Variants in CILK1 observed in about 807,000 individuals in gnomAD.
CILK1 encodes the protein ciliogenesis associated kinase 1.
Under a neutral mutation model 79.2 loss-of-function variants are expected in CILK1, and 47 were observed. The observed-to-expected ratio is 0.59, with a 90% CI of 0.47 to 0.76. CILK1 has a LOEUF of 0.76. Among genes scored for constraint, CILK1 ranks in the 30% least tolerant of loss-of-function variants. The probability of loss-of-function intolerance (pLI) is 0.00; values close to 1 mark genes in which losing one functional copy is unlikely to be tolerated. For missense variants in CILK1, 660 were observed against 769.5 expected (o/e 0.86, Z 1.68); for synonymous variants, 266 against 275.9 (o/e 0.96, Z 0.36).
At chr6:53,036,072 A>G (rs751967958) in intron 3 of CILK1, among the ~76,000 whole-genome samples, 10 of 152,194 alleles carry the variant, frequency 6.6e-5, no homozygotes, top group Non-Finnish European at 1.3e-4. Flanking sequence ...TTCTTCAACT[A>G]TCTTGCCGAG....
chr6:53,007,572 C>T (rs757810083), intron 12 of CILK1, among the ~76,000 whole-genome samples: 5 of 152,084 alleles, frequency 3.3e-5, no homozygotes, highest in African/African-American at 7.2e-5. Flanking sequence ...TCCCATATCC[C>T]GCTGGAGAGC....
Position 53,003,107 on chromosome 6 carries a change from T to C in CILK1, c.*2042A>G, listed in dbSNP as rs1436771715. The C allele has an allele frequency of 6.6e-6, 1 of 152,662 alleles. No homozygotes were observed. Among genetic ancestry groups the C allele is most frequent in the East Asian group, 1.9e-4 (1 of 5,202 alleles). The allele number at this position is 152,662 out of a possible 1,614,324, so 9.5% of individuals were successfully genotyped here. On this transcript the variant is annotated 3_prime_UTR_variant, in exon 14 of 14. Transcript: ENST00000676107. ...TTTAGATAACGAGTTGAGAATATAA[T>C]ACAGAAATGAATTCAGCTTCAAGTT... is the stretch of plus-strand genomic sequence containing the variant.
chr6:53,033,286 G>A (rs188719871), intron 3 of CILK1, among the ~76,000 whole-genome samples: 3 of 152,288 alleles, frequency 2.0e-5, no homozygotes, highest in Non-Finnish European at 4.4e-5. Flanking sequence ...AAAAAGTCAG[G>A]CAGTGGATGA....
At chr6:53,022,752 C>G (rs757310909) in intron 5 of CILK1, among the ~76,000 whole-genome samples, 17 of 152,270 alleles carry the variant, frequency 1.1e-4, no homozygotes, top group Non-Finnish European at 2.1e-4. Flanking sequence ...AACATGGTAG[C>G]CTTCATTCAT....
Position 53,012,087 on chromosome 6 carries a change from G to A in CILK1, c.1293C>T (p.Ser431=). 1 of 1,614,180 alleles carries A rather than the reference G, an allele frequency of 6.2e-7. No homozygotes were observed. Among genetic ancestry groups the A allele is most frequent in the South Asian group, 1.1e-5 (1 of 91,082 alleles). Residue 431 remains serine (S), a synonymous_variant, in exon 10 of 14, where the codon AGC becomes AGT. Transcript: ENST00000676107. ...LDDLDFSPSL[S]RIDLKNKKRQ... ...TTTTCTTGTTTTTCAGGTCAATCCT[G>A]CTGAGGGATGGACTGAAATCCAAGT...
rs765591042 is a variant in CILK1 at position 53,016,160 on chromosome 6, T to C, written c.754A>G (p.Asn252Asp). Reference sequence around the variant, plus strand: ...AGCTGGACTGCTTCACTGCTAGCATTGGGAATCAAGGTCTTTAAGTTATTG... The same window carrying C: ...AGCTGGACTGCTTCACTGCTAGCATCGGGAATCAAGGTCTTTAAGTTATTG... ...VPNNLKTLIP[N>D]ASSEAVQLLR... Residue 252 changes from asparagine (N) to aspartate (D), a missense_variant, in exon 8 of 14, where the codon AAT becomes GAT. Coordinates refer to ENST00000676107, the MANE Select transcript of CILK1 (RefSeq NM_014920.5). 6.2e-6 allele frequency: 10 copies of C among 1,614,082 alleles called. No homozygotes were observed. In the East Asian group the frequency reaches 2.2e-4, roughly 36 times the overall value.
At position 53,031,157 on chromosome 6, in the gene CILK1, G is replaced by A; in HGVS notation, c.279-13C>T. 6.5e-7 allele frequency: 1 copy of A among 1,539,994 alleles called. No individual in the cohort carries two copies. The highest frequency in any genetic ancestry group is 9.0e-7 in the Non-Finnish European group (1 of 1,113,640). On this transcript the variant is annotated splice_polypyrimidine_tract_variant and intron_variant, in intron 4 of 13. Transcript: ENST00000676107. ...AAACAACTTATTTCTGTATGAGGCA[G>A]AGGAAAACAAAGTTATAAATCAAAG...
At chr6:53,034,979 G>A (rs1053169650) in intron 3 of CILK1, among the ~76,000 whole-genome samples, 3 of 152,160 alleles carry the variant, frequency 2.0e-5, no homozygotes, top group South Asian at 2.1e-4. Context: ...TCTGGGGGAC[G>A]AAGGATGAGA....
intron 2 of CILK1, 88 bp from the exon 3 acceptor site, chr6:53,038,081 T>C (rs989193827): frequency 3.6e-6 from 3 of 838,096 alleles, no homozygotes; most frequent in Non-Finnish European, 6.2e-6. Context: ...ATTCTGATCC[T>C]AATTAACAGT....
At chr6:53,034,840 G>C (rs1017509411) in intron 3 of CILK1, among the ~76,000 whole-genome samples, 1 of 152,224 alleles carries the variant, frequency 6.6e-6, no homozygotes, top group African/African-American at 2.4e-5. Flanking sequence ...TGAGTGGTCA[G>C]TGGGAGCATC....
chr6:53,016,117 T>C lies in CILK1; in HGVS notation c.797A>G (p.Gln266Arg), dbSNP rs759187041. The stretch of plus-strand genomic sequence containing the variant: ...TGTTGGTCGTTTCTTGGGATCCCAC[T>C]GAAGCATGTCTCTCAGGAGCTGGAC... Reference protein sequence around the residue: ...EAVQLLRDMLQWDPKKRPTAS... With the variant: ...EAVQLLRDMLRWDPKKRPTAS... Residue 266 changes from glutamine (Q) to arginine (R), a missense_variant, in exon 8 of 14, where the codon CAG becomes CGG. Physicochemically the swap from Gln to Arg is conservative, Grantham distance 43. Coordinates refer to ENST00000676107, the MANE Select transcript of CILK1 (RefSeq NM_014920.5). 1.9e-6 allele frequency: 3 copies of C among 1,614,158 alleles called. No individual in the cohort carries two copies. Among genetic ancestry groups the C allele is most frequent in the Non-Finnish European group, 2.5e-6 (3 of 1,179,962 alleles).
intron 1 of CILK1, chr6:53,054,483 T>C (rs540966733): frequency 2.5e-4 from 38 of 152,378 alleles, no homozygotes; most frequent in African/African-American, 8.4e-4. Flanking sequence ...TCAGTGCTTC[T>C]ATTTTGTCAT....
chr6:53,016,031 GA>G, intron 8 of CILK1, 51 bp downstream of exon 8: 1 of 1,552,562 alleles, frequency 6.4e-7, no homozygotes, highest in Non-Finnish European at 8.9e-7. Flanking sequence ...GCAATTCATA[GA>G]AATTATTCAG....
chr6:53,008,096 A>C (rs919903504), intron 12 of CILK1, among the ~76,000 whole-genome samples: 1 of 151,854 alleles, frequency 6.6e-6, no homozygotes, highest in Non-Finnish European at 1.5e-5. Context: ...CAAAAATTGC[A>C]ATCAACTTAT....
rs1032938255 is a variant in CILK1, at chr6:53,004,399, G to T, written c.*750C>A. 3.3e-5 allele frequency: 5 copies of T among 152,124 alleles called. No homozygotes were observed. The highest frequency in any genetic ancestry group is 5.9e-5 in the Non-Finnish European group (4 of 68,030). The allele number at this position is 152,124 out of a possible 1,614,324, so 9.4% of individuals were successfully genotyped here. On this transcript the variant is annotated 3_prime_UTR_variant, in exon 14 of 14. Coordinates refer to ENST00000676107, the MANE Select transcript of CILK1 (RefSeq NM_014920.5). ...TTGATTTCAAAAATGGAATAAATTA[G>T]AATATAATGGCATAGTATAATTAAG...
rs1764072881 is a variant in CILK1, at chr6:53,003,925, C to T, written c.*1224G>A. ...ATGTACCATATAGAGATGGATGAGA[C>T]TGGACCTTTTGTCTTTTTCTGTCTC... On this transcript the variant is annotated 3_prime_UTR_variant, in exon 14 of 14. Coordinates refer to ENST00000676107, the MANE Select transcript of CILK1 (RefSeq NM_014920.5). 1 of 152,608 alleles carries T rather than the reference C, an allele frequency of 6.6e-6. No homozygotes were observed. The highest frequency in any genetic ancestry group is 6.5e-5 in the Admixed American group (1 of 15,278). 9.5% of individuals were successfully genotyped at this position (152,608 alleles called of 1,614,324 possible).
chr6:53,006,812 T>C (rs939520310), intron 12 of CILK1, among the ~76,000 whole-genome samples: 2 of 152,254 alleles, frequency 1.3e-5, no homozygotes, highest in Admixed American at 1.3e-4. Flanking sequence ...TGTGAGTACA[T>C]ATAAATTCTA....
rs567979541 is a variant in CILK1, at chr6:53,048,686, C to T, written c.-172-7278G>A. Among the ~76,000 whole-genome samples the T allele has an allele frequency of 1.2e-4, 19 of 152,178 alleles. No individual in the cohort carries two copies. The East Asian group carries it at 1.4e-3, about 11-fold the overall frequency. On this transcript the variant is annotated intron_variant, in intron 1 of 13. Coordinates refer to ENST00000676107, the MANE Select transcript of CILK1 (RefSeq NM_014920.5). ...AGAAAAAAGAAGGGACCATGGTAGGCGCCTTCGCTGCTCTACTCCATAGCA... is the reference window on the plus strand; with the variant it reads ...AGAAAAAAGAAGGGACCATGGTAGGTGCCTTCGCTGCTCTACTCCATAGCA...
chr6:53,043,966 C>T (rs1283122840), intron 1 of CILK1, among the ~76,000 whole-genome samples: 1 of 151,558 alleles, frequency 6.6e-6, no homozygotes, highest in African/African-American at 2.4e-5. Flanking sequence ...GGGGTTCTAG[C>T]ACTCCAAGAA....
Sources: allele counts gnomAD v4.1 joint callset (sites outside exome capture counted in the v4.1 genomes callset), GRCh38; gene constraint gnomAD v4.1.1; transcripts MANE v1.5; gene names NCBI Gene and HGNC (gene_info 2026-07-23, HGNC 2026-07-21).